Variants in ZC3H12B observed in about 807,000 individuals in gnomAD.
ZC3H12B encodes the protein zinc finger CCCH-type containing 12B, also known as probable ribonuclease ZC3H12B.
ZC3H12B carries 7 observed loss-of-function variants against 43.9 expected under a neutral mutation model. The observed-to-expected ratio is 0.16, with a 90% CI of 0.09 to 0.30. ZC3H12B has a LOEUF of 0.30. Among genes scored for constraint, ZC3H12B ranks in the 10% least tolerant of loss-of-function variants. The pLI is 1.00. For synonymous variants in ZC3H12B, 222 were observed against 241.7 expected (o/e 0.92, Z 0.76); for missense variants, 475 against 670.2 (o/e 0.71, Z 3.22).
the ZC3H12B span, among the ~76,000 whole-genome samples, chrX:65,076,277 C>T: frequency 9.1e-6 from 1 of 109,934 alleles, no homozygotes; most frequent in African/African-American, 3.3e-5. Flanking sequence ...GCTAAGACTA[C>T]AGGCATGTGC....
At chrX:65,167,888 A>G in the ZC3H12B span, among the ~76,000 whole-genome samples, 52 of 112,330 alleles carry the variant, frequency 4.6e-4, 1 homozygote, top group South Asian at 7.3e-4. Flanking sequence ...TTAGTTCTGT[A>G]TCCTGAGACT....
chrX:65,306,994 A>G, the ZC3H12B span, among the ~76,000 whole-genome samples: 1 of 112,664 alleles, frequency 8.9e-6, no homozygotes, highest in African/African-American at 3.2e-5. Context: ...CAGAAAGCAG[A>G]TAAGTGGGTA....
At chrX:65,475,987 G>T (rs2067987164) in intron 3 of ZC3H12B, among the ~76,000 whole-genome samples, 1 of 112,302 alleles carries the variant, frequency 8.9e-6, no homozygotes, top group African/African-American at 3.2e-5. Flanking sequence ...GGAATCCACT[G>T]ATAGTCTTAC....
intron 2 of ZC3H12B, among the ~76,000 whole-genome samples, chrX:65,370,459 AG>A (rs1248861915): frequency 8.9e-6 from 1 of 112,170 alleles, no homozygotes; most frequent in Non-Finnish European, 1.9e-5. Flanking sequence ...AAAATATGAA[AG>A]TACTTTGTAG....
intron 3 of ZC3H12B, among the ~76,000 whole-genome samples, chrX:65,439,813 C>T (rs58271171): frequency 0.14 from 15,714 of 110,423 alleles, 2,731 homozygotes; most frequent in African/African-American, 0.49. Context: ...TGGCTGTGTT[C>T]GACAGGTGTT....
At chrX:65,381,489 C>A (rs1174536207) in intron 2 of ZC3H12B, among the ~76,000 whole-genome samples, 3 of 110,715 alleles carry the variant, frequency 2.7e-5, no homozygotes, top group Non-Finnish European at 5.7e-5. Context: ...TAAATGTCCA[C>A]AAGAGAAAGC....
chrX:65,056,232 T>C, the ZC3H12B span, among the ~76,000 whole-genome samples: 1 of 111,692 alleles, frequency 9.0e-6, no homozygotes, highest in Non-Finnish European at 1.9e-5. Flanking sequence ...CATTTAGTGG[T>C]ATAAGTTTCC....
At chrX:65,367,024 G>A (rs2066182800) in intron 1 of ZC3H12B, among the ~76,000 whole-genome samples, 2 of 111,831 alleles carry the variant, frequency 1.8e-5, no homozygotes, top group African/African-American at 6.5e-5. Flanking sequence ...TTAGCACAGG[G>A]CCTTAGAGAT....
chrX:65,419,805 C>T (rs747012073), intron 3 of ZC3H12B, among the ~76,000 whole-genome samples: 1 of 111,318 alleles, frequency 9.0e-6, no homozygotes, highest in African/African-American at 3.3e-5. Context: ...CAGGCCCGCA[C>T]TCATGGGCCT....
At chrX:65,196,429 A>C in the ZC3H12B span, among the ~76,000 whole-genome samples, 1 of 111,338 alleles carries the variant, frequency 9.0e-6, no homozygotes, top group African/African-American at 3.3e-5. Flanking sequence ...GGTCAAGCTG[A>C]GGTTTTATCA....
the ZC3H12B span, among the ~76,000 whole-genome samples, chrX:65,105,830 G>A: frequency 9.0e-6 from 1 of 111,122 alleles, no homozygotes; most frequent in African/African-American, 3.3e-5. Flanking sequence ...TGATGGCACT[G>A]TATGCCTAAA....
At chrX:65,216,105 A>T in the ZC3H12B span, among the ~76,000 whole-genome samples, 1 of 111,599 alleles carries the variant, frequency 9.0e-6, no homozygotes, top group East Asian at 2.8e-4. Context: ...TTGTCTCCCC[A>T]CAGGAACATT....
At chrX:65,140,238 T>C in the ZC3H12B span, among the ~76,000 whole-genome samples, 2 of 111,502 alleles carry the variant, frequency 1.8e-5, no homozygotes, top group African/African-American at 3.3e-5. Flanking sequence ...AGGTTTTTCA[T>C]ATATGGCCTT....
the ZC3H12B span, among the ~76,000 whole-genome samples, chrX:65,132,958 C>A: frequency 9.0e-6 from 1 of 111,427 alleles, no homozygotes; most frequent in East Asian, 2.8e-4. Context: ...GCCAGAGTTC[C>A]AGGGGCTCTG....
chrX:65,277,293 G>A, the ZC3H12B span, among the ~76,000 whole-genome samples: 119 of 111,452 alleles, frequency 1.1e-3, 1 homozygote, highest in African/African-American at 3.7e-3. Flanking sequence ...CCTAATGTCA[G>A]CATTGGACAG....
chrX:65,204,286 C>T, the ZC3H12B span, among the ~76,000 whole-genome samples: 1 of 111,910 alleles, frequency 8.9e-6, no homozygotes, highest in Non-Finnish European at 1.9e-5. Context: ...GGAAGCTGAT[C>T]GGTGGATCCT....
At chrX:65,151,411 G>C in the ZC3H12B span, among the ~76,000 whole-genome samples, 1 of 111,828 alleles carries the variant, frequency 8.9e-6, no homozygotes, top group Admixed American at 9.5e-5. Flanking sequence ...TTGACATGTA[G>C]GATATGTTCA....
At chrX:65,150,050 C>T in the ZC3H12B span, among the ~76,000 whole-genome samples, 2 of 110,154 alleles carry the variant, frequency 1.8e-5, no homozygotes, top group African/African-American at 3.3e-5. Context: ...ATTTGAAACC[C>T]CAGTGTCGTG....
chrX:65,239,617 TATG>T, the ZC3H12B span, among the ~76,000 whole-genome samples: 3 of 112,131 alleles, frequency 2.7e-5, 1 homozygote, highest in Non-Finnish European at 5.6e-5. Context: ...TTGATCATGT[TATG>T]ATGGTAGCTG....
Sources: gnomAD v4.1 joint callset for allele counts (sites outside exome capture counted in the v4.1 genomes callset) on GRCh38, gnomAD v4.1.1 for gene constraint, MANE v1.5 for transcripts, NCBI Gene and HGNC (gene_info 2026-07-23, HGNC 2026-07-21) for gene names.